The following CYB5R3 variants were observed in gnomAD, a reference collection of about 807,000 sequenced individuals.
CYB5R3 encodes cytochrome b5 reductase 3.
A neutral mutation model predicts 36.5 loss-of-function variants in CYB5R3; 28 were observed. The ratio of observed to expected loss-of-function variants is 0.77; its 90% confidence interval spans 0.57 to 1.05. CYB5R3 has a LOEUF of 1.05. Ranked by LOEUF, CYB5R3 falls within the 50% of genes least tolerant of loss-of-function variation. The pLI is 0.00. For synonymous variants in CYB5R3, 181 were observed against 159.8 expected (o/e 1.13, Z -1.00); for missense variants, 474 against 408.9 (o/e 1.16, Z -1.37).
Position 42,619,938 on chromosome 22 carries a change from G to C in CYB5R3, c.741C>G (p.Asp247Glu), listed in dbSNP as rs1927874834. ...YTLDRAPEAWDYGQGFVNEEM... is the reference protein window; with the variant it reads ...YTLDRAPEAWEYGQGFVNEEM... ...CCTCATTCACGAAGCCCTGGCCGTA[G>C]TCCCAGGCTGTGGGGTGAGAGACCA... Residue 247 changes from aspartate to glutamate, a missense_variant, in exon 9 of 9, where the codon GAC (aspartate) becomes GAG (glutamate). Coordinates refer to ENST00000352397, the MANE Select transcript of CYB5R3 (RefSeq NM_000398.7). 1.3e-6 allele frequency: 2 copies of C among 1,598,178 alleles called. No individual in the cohort carries two copies. The highest frequency in any genetic ancestry group is 2.7e-5 in the African/African-American group (2 of 74,628).
In CYB5R3 at chr22:42,649,324, C is replaced by T. The variant is rs1334401023; in HGVS notation, c.-9G>A. ...CTGAGCTGGGCCCCCATGGTGGCCC[C>T]GCGCCGCGCTCGCTCTGTCGCCGCC... On this transcript the variant is annotated 5_prime_UTR_variant, in exon 1 of 9. Transcript: ENST00000352397. 5 of 1,014,882 alleles carry T rather than the reference C, an allele frequency of 4.9e-6. No individual in the cohort carries two copies. Among genetic ancestry groups the T allele is most frequent in the East Asian group, 9.6e-5 (1 of 10,468 alleles). The allele number at this position is 1,014,882 out of a possible 1,614,324, so 62.9% of individuals were successfully genotyped here.
rs1412644436 is a variant in CYB5R3, at chr22:42,649,320, G to A, written c.-5C>T. On this transcript the variant is annotated 5_prime_UTR_variant, in exon 1 of 9. Coordinates refer to ENST00000352397, the MANE Select transcript of CYB5R3 (RefSeq NM_000398.7). ...CGTGCTGAGCTGGGCCCCCATGGTG[G>A]CCCCGCGCCGCGCTCGCTCTGTCGC... 6 of 1,015,134 alleles carry A rather than the reference G, an allele frequency of 5.9e-6. No homozygotes were observed. The highest frequency in any genetic ancestry group is 7.1e-6 in the Non-Finnish European group (6 of 842,854). The allele number at this position is 1,015,134 out of a possible 1,614,324, so 62.9% of individuals were successfully genotyped here. A position where few individuals can be genotyped will look rare whatever the true frequency, so the allele number is the denominator to read the frequency against.
At position 42,619,608 on chromosome 22, in the gene CYB5R3, TC is replaced by T. The variant is rs1927842377; in HGVS notation, c.*164del. 1 of 664,086 alleles carries T rather than the reference TC, an allele frequency of 1.5e-6. No individual in the cohort carries two copies. The highest frequency in any genetic ancestry group is 1.9e-5 in the South Asian group (1 of 54,010). 41.1% of individuals were successfully genotyped at this position (664,086 alleles called of 1,614,324 possible). On this transcript the variant is annotated 3_prime_UTR_variant, in exon 9 of 9. Coordinates refer to ENST00000352397, the MANE Select transcript of CYB5R3 (RefSeq NM_000398.7). ...TGGCCCATCTGGGACACAGCCCTGC[TC>T]CCGAAGGGGCTCCAGGGGAACTGCT...
At chr22:42,638,754 C>T (rs1325129095) in intron 1 of CYB5R3, among the ~76,000 whole-genome samples, 4 of 82,150 alleles carry the variant, frequency 4.9e-5, no homozygotes, top group Non-Finnish European at 9.4e-5. Context: ...AAAAAAAGGC[C>T]GGGCGCGGTG....
chr22:42,633,693 G>A (rs916232320), intron 2 of CYB5R3, among the ~76,000 whole-genome samples: 1 of 152,236 alleles, frequency 6.6e-6, no homozygotes, highest in Non-Finnish European at 1.5e-5. Flanking sequence ...TGAGGCAGAA[G>A]AATCACTTGA....
At chr22:42,621,847 T>C (rs1468618241) in intron 8 of CYB5R3, among the ~76,000 whole-genome samples, 2 of 152,256 alleles carry the variant, frequency 1.3e-5, no homozygotes, top group African/African-American at 4.8e-5. Context: ...GCCCCGCCCA[T>C]GCCATTAGAA....
intron 1 of CYB5R3, among the ~76,000 whole-genome samples, chr22:42,638,431 G>A (rs1929022791): frequency 7.0e-6 from 1 of 141,872 alleles, no homozygotes; most frequent in Non-Finnish European, 1.5e-5. Flanking sequence ...TTAGCTGGTT[G>A]CAGTGTCACA....
At chr22:42,649,175 TGGGTGCGGCC>T (rs1318562642) in intron 1 of CYB5R3, 110 bp downstream of exon 1, 8 of 323,608 alleles carry the variant, frequency 2.5e-5, no homozygotes, top group Middle Eastern at 1.5e-3. Flanking sequence ...GCGGGCGAAG[TGGGTGCGGCC>T]GGGTGCGGCC....
At chr22:42,625,820 T>C (rs942646720) in intron 7 of CYB5R3, among the ~76,000 whole-genome samples, 1 of 152,098 alleles carries the variant, frequency 6.6e-6, no homozygotes, top group African/African-American at 2.4e-5. Flanking sequence ...GGTTTTCATA[T>C]AATACTGAGA....
intron 1 of CYB5R3, among the ~76,000 whole-genome samples, chr22:42,639,258 A>C (rs1929091613): frequency 6.8e-6 from 1 of 147,694 alleles, no homozygotes; most frequent in Non-Finnish European, 1.5e-5. Flanking sequence ...TGGGAGGCGG[A>C]GGTAGCAGTG....
At chr22:42,632,408 GC>G (rs1313831005) in intron 2 of CYB5R3, 2 of 152,372 alleles carry the variant, frequency 1.3e-5, no homozygotes, top group Non-Finnish European at 2.9e-5. Context: ...CATCACAGAT[GC>G]CCATCTCGGC....
chr22:42,643,913 G>C (rs1432117212), intron 1 of CYB5R3, among the ~76,000 whole-genome samples: 1 of 152,114 alleles, frequency 6.6e-6, no homozygotes, highest in African/African-American at 2.4e-5. Context: ...TTCTGAGTAG[G>C]GGCCGCGGGT....
intron 1 of CYB5R3, chr22:42,639,838 A>G: frequency 1.8e-6 from 2 of 1,098,124 alleles, no homozygotes; most frequent in Non-Finnish European, 2.4e-6. Flanking sequence ...GAACTGCTTG[A>G]TTCACTTTTT....
intron 1 of CYB5R3, among the ~76,000 whole-genome samples, chr22:42,637,161 T>C (rs1928945146): frequency 6.6e-6 from 1 of 152,236 alleles, no homozygotes; most frequent in African/African-American, 2.4e-5. Flanking sequence ...TTTTTCACTT[T>C]GGCTACTAGG....
chr22:42,621,618 T>C (rs1382527937), intron 8 of CYB5R3, among the ~76,000 whole-genome samples: 1 of 152,250 alleles, frequency 6.6e-6, no homozygotes, highest in East Asian at 1.9e-4. Context: ...ACACGAAAAA[T>C]GCTAGGAGAT....
At chr22:42,642,275 G>A (rs1407784167) in intron 1 of CYB5R3, among the ~76,000 whole-genome samples, 1 of 151,814 alleles carries the variant, frequency 6.6e-6, no homozygotes, top group East Asian at 1.9e-4. Flanking sequence ...CCAGGCCTTG[G>A]TAATTTTTTT....
intron 1 of CYB5R3, among the ~76,000 whole-genome samples, chr22:42,645,966 G>A (rs1171559005): frequency 1.3e-5 from 2 of 152,170 alleles, no homozygotes; most frequent in Non-Finnish European, 2.9e-5. Flanking sequence ...CGGCAGAGAG[G>A]GCGCACCACA....
chr22:42,643,053 T>C (rs1929362702), intron 1 of CYB5R3, among the ~76,000 whole-genome samples: 1 of 152,168 alleles, frequency 6.6e-6, no homozygotes, highest in African/African-American at 2.4e-5. Context: ...TGAGGTAGTA[T>C]ATCCTGCAGA....
At position 42,619,849 on chromosome 22, in the gene CYB5R3, G is replaced by A. The variant is rs752824154; in HGVS notation, c.830C>T (p.Pro277Leu). ...EEPLVLMCGP[P>L]PMIQYACLPN... Reference sequence around the variant, plus strand: ...AAGGCAGGCGTACTGGATCATGGGTGGGGGGCCACACATCAGCACCAGCGG... The same window carrying A: ...AAGGCAGGCGTACTGGATCATGGGTAGGGGGCCACACATCAGCACCAGCGG... Residue 277 changes from proline (P) to leucine (L), a missense_variant, in exon 9 of 9, where the codon CCA (proline) becomes CTA (leucine). By Grantham distance (98) the Pro-to-Leu change is moderately conservative. Transcript: ENST00000352397. 4 of 1,605,280 alleles carry A rather than the reference G, an allele frequency of 2.5e-6. No homozygotes were observed. The highest frequency in any genetic ancestry group is 1.7e-6 in the Non-Finnish European group (2 of 1,176,856).
Sources: allele counts gnomAD v4.1 joint callset (sites outside exome capture counted in the v4.1 genomes callset), GRCh38; gene constraint gnomAD v4.1.1; transcripts MANE v1.5; gene names NCBI Gene and HGNC (gene_info 2026-07-23, HGNC 2026-07-21).